Variants in CDH13 observed in about 807,000 individuals in gnomAD.
CDH13 encodes the protein cadherin-13.
CDH13 carries 24 observed loss-of-function variants against 63.8 expected under a neutral mutation model. That is an observed-to-expected ratio of 0.38 (90% CI 0.27 to 0.53). The LOEUF is 0.53. Among genes scored for constraint, CDH13 ranks in the 20% least tolerant of loss-of-function variants. The pLI, the probability that CDH13 is intolerant of heterozygous loss-of-function variation, is 0.85. For synonymous variants in CDH13, 503 were observed against 355.3 expected (o/e 1.42, Z -4.67); for missense variants, 1,049 against 903.1 (o/e 1.16, Z -2.07).
chr16:83,251,756 C>T (rs757739269), intron 5 of CDH13, among the ~76,000 whole-genome samples: 25 of 152,190 alleles, frequency 1.6e-4, no homozygotes, highest in Non-Finnish European at 2.9e-4. Context: ...GAATCACAGT[C>T]TGATGGCAGG....
intron 4 of CDH13, among the ~76,000 whole-genome samples, chr16:83,198,322 TACACAC>T (rs10547222): frequency 0.022 from 3,178 of 144,604 alleles, 90 homozygotes; most frequent in South Asian, 0.12. Context: ...CACACACATG[TACACAC>T]ACACACACAC....
chr16:83,784,493 A>G (rs1480496721), intron 13 of CDH13, among the ~76,000 whole-genome samples: 1 of 152,002 alleles, frequency 6.6e-6, no homozygotes, highest in Non-Finnish European at 1.5e-5. Flanking sequence ...TTAGCCAGCC[A>G]TGGTGGCACA....
At position 82,682,235 on chromosome 16, in the gene CDH13, G is replaced by A. The variant is rs545317451; in HGVS notation, c.45+55098G>A. Among the ~76,000 whole-genome samples the A allele has an allele frequency of 1.4e-4, 21 of 152,330 alleles. 2 individuals carry two copies. In the South Asian group the frequency reaches 3.7e-3, roughly 27 times the overall value. On this transcript the variant is annotated intron_variant, in intron 1 of 13. Transcript: ENST00000567109. ...ATAAACAGAATCCCCTAGGGAAAGTGCTAAAAGTGCAGATTCCCAGGCCCC... is the reference window on the plus strand; with the variant it reads ...ATAAACAGAATCCCCTAGGGAAAGTACTAAAAGTGCAGATTCCCAGGCCCC...
intron 8 of CDH13, among the ~76,000 whole-genome samples, chr16:83,670,025 C>T (rs1266280441): frequency 6.6e-6 from 1 of 152,284 alleles, no homozygotes; most frequent in South Asian, 2.1e-4. Context: ...TTTCACCACA[C>T]CTACTTGAAA....
chr16:83,775,722 A>AT (rs1204091149), intron 11 of CDH13, among the ~76,000 whole-genome samples: 11 of 151,698 alleles, frequency 7.3e-5, no homozygotes, highest in Admixed American at 1.3e-4. Flanking sequence ...TGTCTCAAAA[A>AT]TAAAAAAAAA....
chr16:83,120,763 C>CTTTT lies in CDH13; in HGVS notation c.367-4609_367-4606dup, dbSNP rs750711823. The stretch of plus-strand genomic sequence containing the variant: ...AATACAACGCGCTCTAATTTTCTTT[C>CTTTT]TTTTTTTTTTTTTTTTCTGAGATGG... On this transcript the variant is annotated intron_variant, in intron 3 of 13. Coordinates refer to ENST00000567109, the MANE Select transcript of CDH13 (RefSeq NM_001257.5). Among the ~76,000 whole-genome samples the CTTTT allele has an allele frequency of 4.2e-4, 25 of 60,222 alleles. 2 individuals carry two copies. The South Asian group carries it at 7.5e-3, about 18-fold the overall frequency. 39.5% of individuals were successfully genotyped at this position (60,222 alleles called of 152,430 possible). A position where few individuals can be genotyped will look rare whatever the true frequency, so the allele number is the denominator to read the frequency against.
At chr16:82,964,830 T>C (rs770594150) in intron 2 of CDH13, among the ~76,000 whole-genome samples, 38 of 152,226 alleles carry the variant, frequency 2.5e-4, no homozygotes, top group Non-Finnish European at 5.3e-4. Context: ...TGACTGATCC[T>C]GGGTTTTTTT....
intron 5 of CDH13, among the ~76,000 whole-genome samples, chr16:83,340,042 C>T (rs1370872170): frequency 6.6e-6 from 1 of 152,164 alleles, no homozygotes; most frequent in African/African-American, 2.4e-5. Flanking sequence ...TTCTCTGTGA[C>T]CTTTCCCATC....
At chr16:83,709,044 A>T (rs1304371060) in intron 10 of CDH13, among the ~76,000 whole-genome samples, 1 of 152,182 alleles carries the variant, frequency 6.6e-6, no homozygotes, top group Admixed American at 6.5e-5. Flanking sequence ...ATTAAAAAAT[A>T]AAAATTAAAT....
At chr16:82,802,177 G>A (rs911204401) in intron 1 of CDH13, among the ~76,000 whole-genome samples, 1 of 152,172 alleles carries the variant, frequency 6.6e-6, no homozygotes, top group South Asian at 2.1e-4. Flanking sequence ...CCTGCCAAGA[G>A]AGGAGGCCAA....
At chr16:83,594,990 A>G (rs1395777574) in intron 7 of CDH13, among the ~76,000 whole-genome samples, 5 of 152,152 alleles carry the variant, frequency 3.3e-5, no homozygotes, top group Admixed American at 2.6e-4. Flanking sequence ...TGTTTCTAGA[A>G]TATATATTAG....
intron 10 of CDH13, among the ~76,000 whole-genome samples, chr16:83,695,165 C>T (rs982799792): frequency 5.3e-5 from 8 of 152,128 alleles, no homozygotes; most frequent in African/African-American, 1.9e-4. Context: ...CAAGATCATG[C>T]CACTGTACTC....
At chr16:82,992,334 A>T (rs558215373) in intron 2 of CDH13, among the ~76,000 whole-genome samples, 7 of 152,340 alleles carry the variant, frequency 4.6e-5, no homozygotes, top group African/African-American at 1.7e-4. Context: ...ATGTTTTTAA[A>T]AGTCAATTTT....
intron 3 of CDH13, among the ~76,000 whole-genome samples, chr16:83,105,921 A>T (rs2034741101): frequency 6.6e-6 from 1 of 152,222 alleles, no homozygotes; most frequent in South Asian, 2.1e-4. Context: ...GAAGGCATGA[A>T]GTCATGAGAC....
chr16:82,837,070 C>A (rs118146773), intron 1 of CDH13, among the ~76,000 whole-genome samples: 1 of 152,142 alleles, frequency 6.6e-6, no homozygotes, highest in South Asian at 2.1e-4. Context: ...GGCAACCCAT[C>A]GAGGTGGAAG....
chr16:83,349,448 A>G (rs1176934498), intron 6 of CDH13, among the ~76,000 whole-genome samples: 1 of 152,126 alleles, frequency 6.6e-6, no homozygotes, highest in Non-Finnish European at 1.5e-5. Context: ...ACCATGAGGA[A>G]TGGCATGTCA....
intron 1 of CDH13, among the ~76,000 whole-genome samples, chr16:82,740,938 T>C (rs760231192): frequency 1.3e-5 from 2 of 152,160 alleles, no homozygotes; most frequent in Non-Finnish European, 2.9e-5. Flanking sequence ...AAGAAATAAC[T>C]TTAAAAGGGG....
intron 1 of CDH13, among the ~76,000 whole-genome samples, chr16:82,708,188 C>T (rs1189037131): frequency 6.6e-6 from 1 of 152,132 alleles, no homozygotes; most frequent in African/African-American, 2.4e-5. Flanking sequence ...TGTTCGCATC[C>T]CATTTGCTCA....
At chr16:83,144,351 A>T (rs1386542464) in intron 4 of CDH13, among the ~76,000 whole-genome samples, 1 of 152,244 alleles carries the variant, frequency 6.6e-6, no homozygotes, top group Non-Finnish European at 1.5e-5. Flanking sequence ...TTTATAAAGG[A>T]TGCTAACTTG....
Sources: gnomAD v4.1 joint callset for allele counts (sites outside exome capture counted in the v4.1 genomes callset) on GRCh38, gnomAD v4.1.1 for gene constraint, MANE v1.5 for transcripts, NCBI Gene and HGNC (gene_info 2026-07-23, HGNC 2026-07-21) for gene names.